Variants in EPB41L4A observed in about 807,000 individuals in gnomAD.
The protein encoded by EPB41L4A is erythrocyte membrane protein band 4.1 like 4A.
Under a neutral mutation model 108.6 loss-of-function variants are expected in EPB41L4A, and 100 were observed. The observed-to-expected ratio is 0.92, with a 90% confidence interval of 0.78 to 1.09. The LOEUF (loss-of-function observed/expected upper bound fraction) is 1.09. Ranked by LOEUF, EPB41L4A falls within the 50% of genes least tolerant of loss-of-function variation. The pLI is 0.00. For synonymous variants in EPB41L4A, 319 were observed against 289.0 expected (o/e 1.10, Z -1.05); for missense variants, 1,030 against 842.7 (o/e 1.22, Z -2.75).
downstream of EPB41L4A, among the ~76,000 whole-genome samples, chr5:112,158,244 G>T (rs911740860): frequency 2.0e-5 from 3 of 152,170 alleles, no homozygotes; most frequent in African/African-American, 7.2e-5. Flanking sequence ...ATACAAGAAG[G>T]TTCCATATTT....
At chr5:112,171,065 G>C (rs1760552772) in intron 18 of EPB41L4A, 73 bp from the exon 19 acceptor site, 2 of 1,322,692 alleles carry the variant, frequency 1.5e-6, no homozygotes, top group African/African-American at 1.5e-5. Context: ...AACTTTAATA[G>C]TTTTCAGACT....
chr5:112,152,119 T>C (rs1341432212), intron 12 of EPB41L4A, among the ~76,000 whole-genome samples: 1 of 151,414 alleles, frequency 6.6e-6, no homozygotes, highest in Non-Finnish European at 1.5e-5. Context: ...ACTTCCATAC[T>C]ATGACAGGAG....
At chr5:112,316,400 C>A (rs56388623) in intron 1 of EPB41L4A, among the ~76,000 whole-genome samples, 1 of 152,096 alleles carries the variant, frequency 6.6e-6, no homozygotes, top group Non-Finnish European at 1.5e-5. Flanking sequence ...CTTAAAATTA[C>A]ATTAATTTTT....
intron 8 of EPB41L4A, 130 bp downstream of exon 8, chr5:112,259,761 C>G (rs1751362485): frequency 1.5e-6 from 1 of 682,424 alleles, no homozygotes; most frequent in South Asian, 1.8e-5. Flanking sequence ...AAACTCACAC[C>G]CAATTTCACT....
At chr5:112,363,278 T>G (rs547114280) in intron 1 of EPB41L4A, among the ~76,000 whole-genome samples, 1 of 152,220 alleles carries the variant, frequency 6.6e-6, no homozygotes, top group South Asian at 2.1e-4. Flanking sequence ...AGACAAGTTA[T>G]TTCATATTAT....
chr5:112,204,415 A>C lies in EPB41L4A; in HGVS notation c.1336T>G (p.Cys446Gly). The C allele has an allele frequency of 6.2e-7, 1 of 1,613,894 alleles. No homozygotes were observed. Among genetic ancestry groups the C allele is most frequent in the Non-Finnish European group, 8.5e-7 (1 of 1,179,830 alleles). ...TGTACAGAATCATTGTCACTTCCACAGGAGGGGTTTCGGCGACGCGTGTAA... is the reference window on the plus strand; with the variant it reads ...TGTACAGAATCATTGTCACTTCCACCGGAGGGGTTTCGGCGACGCGTGTAA... Reference protein sequence around the residue: ...FPYTRRRNPSCGSDNDSVQPV... With the variant: ...FPYTRRRNPSGGSDNDSVQPV... The change falls in exon 15 of 23, where the codon TGT becomes GGT. Residue 446 changes from cysteine to glycine, a missense_variant. Transcript: ENST00000261486.
At chr5:112,182,779 T>A (rs894390450) in intron 18 of EPB41L4A, among the ~76,000 whole-genome samples, 1 of 148,878 alleles carries the variant, frequency 6.7e-6, no homozygotes, top group Non-Finnish European at 1.5e-5. Context: ...TTCTTTCTTA[T>A]CTAAACTTCC....
intron 18 of EPB41L4A, among the ~76,000 whole-genome samples, chr5:112,171,690 T>G (rs559574722): frequency 3.3e-5 from 5 of 152,242 alleles, no homozygotes; most frequent in Non-Finnish European, 7.3e-5. Context: ...TTCAAGTGTT[T>G]GTACTCTCTG....
At chr5:112,303,792 T>G (rs1355882201) in intron 2 of EPB41L4A, among the ~76,000 whole-genome samples, 1 of 151,790 alleles carries the variant, frequency 6.6e-6, no homozygotes, top group African/African-American at 2.4e-5. Flanking sequence ...ATTTCAGAAG[T>G]GAATGTAAGA....
At chr5:112,233,003 T>C (rs534202224) in intron 12 of EPB41L4A, among the ~76,000 whole-genome samples, 16 of 152,274 alleles carry the variant, frequency 1.1e-4, no homozygotes, top group African/African-American at 3.9e-4. Flanking sequence ...GGATTAAAGC[T>C]GCTTGATTAG....
chr5:112,414,788 G>GCTA (rs1037960813), intron 1 of EPB41L4A, among the ~76,000 whole-genome samples: 5 of 152,156 alleles, frequency 3.3e-5, no homozygotes, highest in Admixed American at 2.6e-4. Flanking sequence ...AAATTGAGGG[G>GCTA]CTATTTATAC....
chr5:112,352,763 A>G (rs927559882), intron 1 of EPB41L4A, among the ~76,000 whole-genome samples: 2 of 152,124 alleles, frequency 1.3e-5, no homozygotes, highest in Non-Finnish European at 2.9e-5. Flanking sequence ...GATGTGTGTT[A>G]TATCTCACCA....
intron 1 of EPB41L4A, among the ~76,000 whole-genome samples, chr5:112,392,234 T>C (rs185485851): frequency 5.9e-4 from 89 of 151,960 alleles, no homozygotes; most frequent in Non-Finnish European, 2.9e-5. Context: ...ATATTAACCT[T>C]AAATGTAAAT....
rs143582451 is a variant in EPB41L4A at position 112,255,259 on chromosome 5, C to G, written c.795+3970G>C. ...CCAAAGAGTTGTCCACACTCACCATCTCCAAATCTCCAATTCTTATCTTCC... is the reference window on the plus strand; with the variant it reads ...CCAAAGAGTTGTCCACACTCACCATGTCCAAATCTCCAATTCTTATCTTCC... On this transcript the variant is annotated intron_variant, in intron 9 of 22. Coordinates refer to ENST00000261486, the MANE Select transcript of EPB41L4A (RefSeq NM_022140.5). Among the ~76,000 whole-genome samples, 560 of 152,302 alleles carry G rather than the reference C, an allele frequency of 3.7e-3. 8 individuals carry two copies. Among genetic ancestry groups the G allele is most frequent in the African/African-American group, 0.013 (535 of 41,576 alleles).
Position 112,171,006 on chromosome 5 carries a change from A to G in EPB41L4A, c.1623-14T>C. ...TCGGGGCTTCTCCTATAAATAGAGA[A>G]AACAACATTCATCTCTGCAAACATG... On this transcript the variant is annotated splice_polypyrimidine_tract_variant and intron_variant, in intron 18 of 22. Transcript: ENST00000261486. 2 of 1,610,514 alleles carry G rather than the reference A, an allele frequency of 1.2e-6. No homozygotes were observed. The highest frequency in any genetic ancestry group is 1.7e-6 in the Non-Finnish European group (2 of 1,176,800).
intron 1 of EPB41L4A, among the ~76,000 whole-genome samples, chr5:112,411,952 C>A (rs995922789): frequency 2.0e-5 from 3 of 152,164 alleles, no homozygotes; most frequent in Admixed American, 6.6e-5. Context: ...GCAACCTGAC[C>A]CTCACTCACG....
chr5:112,407,482 C>G (rs1762139225), intron 1 of EPB41L4A, among the ~76,000 whole-genome samples: 1 of 152,174 alleles, frequency 6.6e-6, no homozygotes, highest in South Asian at 2.1e-4. Context: ...AGTCTTCCAG[C>G]TGTCTACATT....
intron 2 of EPB41L4A, among the ~76,000 whole-genome samples, chr5:112,286,180 C>T (rs1342870207): frequency 6.6e-6 from 1 of 151,758 alleles, no homozygotes; most frequent in African/African-American, 2.4e-5. Flanking sequence ...ATGTCATTTC[C>T]CTCACTATTC....
At chr5:112,142,464 G>T (rs1759103545) in exon 14 of EPB41L4A, 1 of 152,174 alleles carries the variant, frequency 6.6e-6, no homozygotes, top group Non-Finnish European at 1.5e-5. Flanking sequence ...TCATTTTATT[G>T]TGGATACAAA....
Sources: allele counts gnomAD v4.1 joint callset (sites outside exome capture counted in the v4.1 genomes callset), GRCh38; gene constraint gnomAD v4.1.1; transcripts MANE v1.5; gene names NCBI Gene and HGNC (gene_info 2026-07-23, HGNC 2026-07-21).